MYH11: variants seen among roughly 807,000 people sequenced by gnomAD.
MYH11 encodes myosin-11.
A neutral mutation model predicts 246.6 loss-of-function variants in MYH11; 80 were observed. That is an observed-to-expected ratio of 0.32 (90% CI 0.27 to 0.39). The LOEUF is 0.39. MYH11 is among the 10% of genes least tolerant of loss of function. The pLI is 1.00. For missense variants in MYH11, 2,158 were observed against 2,546.8 expected, an observed-to-expected ratio of 0.85 and a Z score of 3.29; for synonymous variants, 1,071 against 1,015.5, an observed-to-expected ratio of 1.05 and a Z score of -1.04.
chr16:15,739,900 C>CCTGGCTAAT (rs1348305156), intron 23 of MYH11, 151 bp downstream of exon 23: 1 of 818,444 alleles, frequency 1.2e-6, no homozygotes, highest in Non-Finnish European at 1.9e-6. Flanking sequence ...GGCCACCACA[C>CCTGGCTAAT]CTGGCTAATC....
Position 15,717,269 on chromosome 16 carries a change from C to A in MYH11, c.5375G>T (p.Arg1792Leu). The change falls in exon 38 of 41, where the codon CGG becomes CTG. Residue 1792 changes from arginine to leucine, a missense_variant. Coordinates refer to ENST00000300036, the MANE Select transcript of MYH11 (RefSeq NM_002474.3). ...CTTGCTCCGGAGCTCCTTGTTCTGC[C>A]GCTCGAGCTGCTGCCGGGCACTCTC... Reference protein sequence around the residue: ...KNESARQQLERQNKELRSKLH... With the variant: ...KNESARQQLELQNKELRSKLH... 2 of 1,614,000 alleles carry A rather than the reference C, an allele frequency of 1.2e-6. No homozygotes were observed. The highest frequency in any genetic ancestry group is 8.5e-7 in the Non-Finnish European group (1 of 1,180,034).
Position 15,771,800 on chromosome 16 carries a change from T to C in MYH11, c.890-88A>G, listed in dbSNP as rs1235471921. On this transcript the variant is annotated intron_variant, in intron 8 of 40. Transcript: ENST00000300036. The stretch of plus-strand genomic sequence containing the variant: ...GAGATCTGGTCAAGGGTCTGGGCCA[T>C]CATAATTCCTTTCCCTTTATCAAGG... 7.9e-6 allele frequency: 12 copies of C among 1,522,048 alleles called. No homozygotes were observed. The East Asian group carries it at 2.7e-4, about 34-fold the overall frequency. The allele number at this position is 1,522,048 out of a possible 1,614,324, so 94.3% of individuals were successfully genotyped here.
At chr16:15,808,733 A>T (rs9972711) in intron 3 of MYH11, among the ~76,000 whole-genome samples, 53,948 of 151,658 alleles carry the variant, frequency 0.36, 10,571 homozygotes, top group African/African-American at 0.53. Context: ...TGAAAAAAAA[A>T]TTTTTTTTAA....
At chr16:15,842,582 C>A (rs112871124) in intron 1 of MYH11, among the ~76,000 whole-genome samples, 5 of 150,728 alleles carry the variant, frequency 3.3e-5, no homozygotes, top group Admixed American at 6.7e-5. Context: ...GCCAACGTGG[C>A]GAAACCTGAT....
intron 31 of MYH11, among the ~76,000 whole-genome samples, chr16:15,723,457 G>C (rs914183384): frequency 6.6e-6 from 1 of 152,110 alleles, no homozygotes; most frequent in Non-Finnish European, 1.5e-5. Flanking sequence ...GACCAGCCTG[G>C]ACAACATGGC....
At chr16:15,811,772 G>C (rs2043143592) in intron 3 of MYH11, among the ~76,000 whole-genome samples, 1 of 152,264 alleles carries the variant, frequency 6.6e-6, no homozygotes, top group South Asian at 2.1e-4. Flanking sequence ...TAAGCTTAAA[G>C]AGGAATTAGC....
At chr16:15,803,585 C>T (rs1345483724) in intron 3 of MYH11, among the ~76,000 whole-genome samples, 10 of 152,142 alleles carry the variant, frequency 6.6e-5, no homozygotes, top group East Asian at 1.9e-4. Context: ...ATAGAAGAAC[C>T]AGGTACCCTG....
At chr16:15,776,038 G>C (rs770707385) in intron 8 of MYH11, 40 bp downstream of exon 8, 4 of 1,434,744 alleles carry the variant, frequency 2.8e-6, no homozygotes, top group Non-Finnish European at 3.9e-6. Context: ...GAAAGGGAAG[G>C]CTCAAGCCAT....
At position 15,714,681 on chromosome 16, in the gene MYH11, C is replaced by G. The variant is rs1156617406; in HGVS notation, c.5786+228G>C. The G allele has an allele frequency of 3.3e-5, 20 of 614,074 alleles. No homozygotes were observed. In the South Asian group the frequency reaches 3.7e-4, roughly 11 times the overall value. 38.0% of individuals were successfully genotyped at this position (614,074 alleles called of 1,614,324 possible). ...GAGGACCGGATGGGAGACGGTCGAT[C>G]GTTAAAGGATCTAGAAGGTTAGCTG... On this transcript the variant is annotated intron_variant, in intron 40 of 40. Transcript: ENST00000300036.
At chr16:15,814,553 C>CAAAAAAAAAAAAA (rs58806731) in intron 3 of MYH11, among the ~76,000 whole-genome samples, 73 of 22,812 alleles carry the variant, frequency 3.2e-3, no homozygotes, top group East Asian at 8.9e-3. Flanking sequence ...AACTCCATCT[C>CAAAAAAAAAAAAA]AAAAAAAAAA....
At chr16:15,846,277 G>A (rs543107451) in intron 1 of MYH11, among the ~76,000 whole-genome samples, 1 of 152,228 alleles carries the variant, frequency 6.6e-6, no homozygotes, top group Admixed American at 6.5e-5. Flanking sequence ...ACTCGAATCA[G>A]GTGAAGTAAA....
At chr16:15,851,877 C>G (rs1346050973) in intron 1 of MYH11, among the ~76,000 whole-genome samples, 1 of 152,130 alleles carries the variant, frequency 6.6e-6, no homozygotes, top group Non-Finnish European at 1.5e-5. Context: ...CGAGCAAGAA[C>G]TGATTATTTC....
intron 2 of MYH11, among the ~76,000 whole-genome samples, chr16:15,837,248 A>T (rs1317241971): frequency 6.6e-6 from 1 of 152,142 alleles, no homozygotes; most frequent in African/African-American, 2.4e-5. Context: ...CAGCCTTTCC[A>T]AAGTGGTTAT....
At chr16:15,842,139 C>T (rs2044068828) in intron 1 of MYH11, among the ~76,000 whole-genome samples, 1 of 152,180 alleles carries the variant, frequency 6.6e-6, no homozygotes, top group Non-Finnish European at 1.5e-5. Flanking sequence ...GTAATCCCAG[C>T]ACTTTGGGAG....
chr16:15,737,305 T>C, intron 25 of MYH11, 144 bp downstream of exon 25: 1 of 976,762 alleles, frequency 1.0e-6, no homozygotes, highest in Non-Finnish European at 1.6e-6. Context: ...CGAGAAGGCT[T>C]GTGGGAGGCC....
intron 5 of MYH11, chr16:15,784,981 G>A (rs1316364952): frequency 5.6e-6 from 2 of 360,006 alleles, no homozygotes; most frequent in Non-Finnish European, 4.9e-6. Context: ...CTACAGGCAT[G>A]CACACCAGGC....
chr16:15,847,300 G>C (rs969843234), intron 1 of MYH11, among the ~76,000 whole-genome samples: 3 of 149,152 alleles, frequency 2.0e-5, no homozygotes, highest in Non-Finnish European at 4.4e-5. Flanking sequence ...GCCCAGGCTG[G>C]AGTGCAGTGG....
At chr16:15,824,777 C>A (rs1302105970) in intron 2 of MYH11, among the ~76,000 whole-genome samples, 1 of 152,170 alleles carries the variant, frequency 6.6e-6, no homozygotes, top group Admixed American at 6.5e-5. Context: ...TGGGACCTCC[C>A]AATGTCCATA....
intron 2 of MYH11, among the ~76,000 whole-genome samples, chr16:15,824,815 C>T (rs914475726): frequency 6.6e-6 from 1 of 152,156 alleles, no homozygotes; most frequent in Non-Finnish European, 1.5e-5. Context: ...GTGACTCAGT[C>T]TCTAGAAGAT....
Sources: gnomAD v4.1 joint callset for allele counts (sites outside exome capture counted in the v4.1 genomes callset) on GRCh38, gnomAD v4.1.1 for gene constraint, MANE v1.5 for transcripts, NCBI Gene and HGNC (gene_info 2026-07-23, HGNC 2026-07-21) for gene names.